The following SNTG1 variants were observed in gnomAD, a reference collection of about 807,000 sequenced individuals.
SNTG1 encodes the protein syntrophin gamma 1.
A neutral mutation model predicts 74.7 loss-of-function variants in SNTG1; 39 were observed. The ratio of observed to expected loss-of-function variants is 0.52; its 90% CI spans 0.40 to 0.68. The LOEUF (loss-of-function observed/expected upper bound fraction) is 0.68. SNTG1 is among the 30% of genes least tolerant of loss of function. The probability of loss-of-function intolerance (pLI) is 0.00; values close to 1 mark genes in which losing one functional copy is unlikely to be tolerated. For synonymous variants in SNTG1, 254 were observed against 217.1 expected (o/e 1.17, Z -1.49); for missense variants, 685 against 609.5 (o/e 1.12, Z -1.30).
chr8:49,916,323 C>T (rs1250231499), intron 1 of SNTG1, among the ~76,000 whole-genome samples: 9 of 152,004 alleles, frequency 5.9e-5, no homozygotes, highest in Admixed American at 5.2e-4. Flanking sequence ...AAATTTTCAC[C>T]GTGAAGTTTC....
intron 2 of SNTG1, among the ~76,000 whole-genome samples, chr8:50,182,831 C>T (rs1253691976): frequency 6.6e-6 from 1 of 152,038 alleles, no homozygotes; most frequent in Admixed American, 6.6e-5. Flanking sequence ...CCTCTTTTTT[C>T]TTCTGCCTGG....
intron 18 of SNTG1, among the ~76,000 whole-genome samples, chr8:50,780,236 T>C (rs2095654777): frequency 6.6e-6 from 1 of 152,180 alleles, no homozygotes; most frequent in South Asian, 2.1e-4. Flanking sequence ...TTAGGGAGGA[T>C]TCCCTCTTTT....
At chr8:50,203,119 G>C (rs372469182) in intron 2 of SNTG1, among the ~76,000 whole-genome samples, 1 of 151,760 alleles carries the variant, frequency 6.6e-6, no homozygotes, top group African/African-American at 2.4e-5. Flanking sequence ...TTTCAGTTGG[G>C]AAGTTCCTGT....
intron 2 of SNTG1, among the ~76,000 whole-genome samples, chr8:50,200,442 C>G (rs531454501): frequency 3.9e-5 from 6 of 152,228 alleles, no homozygotes; most frequent in South Asian, 2.1e-4. Context: ...AGCATTAATA[C>G]TCGAAACTCA....
chr8:49,959,750 G>A (rs1329298570), intron 1 of SNTG1, among the ~76,000 whole-genome samples: 1 of 152,148 alleles, frequency 6.6e-6, no homozygotes, highest in African/African-American at 2.4e-5. Context: ...TAATGCTTTT[G>A]TGAACAGCTG....
intron 2 of SNTG1, among the ~76,000 whole-genome samples, chr8:50,285,558 A>G (rs144759910): frequency 0.069 from 10,446 of 151,988 alleles, 402 homozygotes; most frequent in African/African-American, 0.084. Flanking sequence ...TAAAATTTGA[A>G]AGTAAGCTGC....
chr8:50,353,833 C>T lies in SNTG1; in HGVS notation c.-27-40379C>T, dbSNP rs536518526. On this transcript the variant is annotated intron_variant, in intron 2 of 18. Coordinates refer to ENST00000642720, the MANE Select transcript of SNTG1 (RefSeq NM_018967.5). ...AGAGTGAAGAATTGATCAACGAAGA[C>T]TGCAGGCCATCCAGGAAGGCAAGGG... Among the ~76,000 whole-genome samples, 8 of 152,344 alleles carry T rather than the reference C, an allele frequency of 5.3e-5. No individual in the cohort carries two copies. In the South Asian group the frequency reaches 1.5e-3, roughly 28 times the overall value.
chr8:50,072,619 C>T (rs1272281947), intron 1 of SNTG1, among the ~76,000 whole-genome samples: 2 of 152,090 alleles, frequency 1.3e-5, no homozygotes, highest in African/African-American at 2.4e-5. Flanking sequence ...CAGTGAGAAA[C>T]ATCATACTTT....
intron 2 of SNTG1, among the ~76,000 whole-genome samples, chr8:50,329,374 C>T (rs2090872446): frequency 6.6e-6 from 1 of 152,246 alleles, no homozygotes; most frequent in African/African-American, 2.4e-5. Flanking sequence ...CATGAGGGCT[C>T]CACCCCTGCA....
chr8:49,956,537 C>G (rs1002996453), intron 1 of SNTG1, among the ~76,000 whole-genome samples: 11 of 152,160 alleles, frequency 7.2e-5, no homozygotes, highest in African/African-American at 2.7e-4. Flanking sequence ...TGACCAGACA[C>G]AGGTTTGTCT....
intron 2 of SNTG1, among the ~76,000 whole-genome samples, chr8:50,344,904 G>A (rs2091428131): frequency 6.6e-6 from 1 of 152,150 alleles, no homozygotes; most frequent in Admixed American, 6.5e-5. Flanking sequence ...CTTAAAGTGG[G>A]CCCTAATCCA....
chr8:49,983,388 A>G (rs1033603968), intron 1 of SNTG1, among the ~76,000 whole-genome samples: 1 of 152,248 alleles, frequency 6.6e-6, no homozygotes, highest in Non-Finnish European at 1.5e-5. Context: ...TTATGTGTAT[A>G]TATCATTTAT....
intron 9 of SNTG1, among the ~76,000 whole-genome samples, chr8:50,516,821 G>A (rs2094137519): frequency 6.6e-6 from 1 of 152,170 alleles, no homozygotes; most frequent in South Asian, 2.1e-4. Flanking sequence ...ACATTTGATT[G>A]GTGTGCCTAA....
At chr8:50,397,809 T>A (rs1211592814) in intron 3 of SNTG1, among the ~76,000 whole-genome samples, 2 of 152,184 alleles carry the variant, frequency 1.3e-5, no homozygotes, top group African/African-American at 4.8e-5. Context: ...AGAGCCTAGC[T>A]GCCTGTGTTG....
chr8:50,415,632 AG>A (rs1462916618), intron 4 of SNTG1, among the ~76,000 whole-genome samples: 8 of 152,118 alleles, frequency 5.3e-5, no homozygotes, highest in African/African-American at 1.9e-4. Flanking sequence ...AGCCAGTAAA[AG>A]TTCCTCTTTC....
At chr8:50,059,253 T>A (rs956136719) in intron 1 of SNTG1, among the ~76,000 whole-genome samples, 2 of 152,150 alleles carry the variant, frequency 1.3e-5, no homozygotes, top group Non-Finnish European at 2.9e-5. Flanking sequence ...TTCACTGAGA[T>A]AAATGTTCAT....
At chr8:50,758,912 G>T (rs1396417229) in intron 18 of SNTG1, among the ~76,000 whole-genome samples, 1 of 152,046 alleles carries the variant, frequency 6.6e-6, no homozygotes, top group African/African-American at 2.4e-5. Flanking sequence ...CTTCCAAAAT[G>T]TTTGAACTAA....
rs1029690111 is a variant in SNTG1 at position 50,649,355 on chromosome 8, C to T, written c.850-7554C>T. Among the ~76,000 whole-genome samples the T allele has an allele frequency of 4.5e-4, 69 of 151,988 alleles. 1 individual carries two copies. Among genetic ancestry groups the T allele is most frequent in the African/African-American group, 1.5e-3 (64 of 41,384 alleles). ...TCTACTAAAAATACAAAAAATTAGCCGGACGTTATGGTGCGTGCCTGTAAT... is the reference window on the plus strand; with the variant it reads ...TCTACTAAAAATACAAAAAATTAGCTGGACGTTATGGTGCGTGCCTGTAAT... On this transcript the variant is annotated intron_variant, in intron 13 of 18. Transcript: ENST00000642720.
chr8:49,968,803 G>T (rs117456338), intron 1 of SNTG1, among the ~76,000 whole-genome samples: 4 of 152,128 alleles, frequency 2.6e-5, no homozygotes, highest in Non-Finnish European at 5.9e-5. Flanking sequence ...ATTTACAGGC[G>T]CTGTGTTCCA....
Sources: gnomAD v4.1 joint callset for allele counts (sites outside exome capture counted in the v4.1 genomes callset) on GRCh38, gnomAD v4.1.1 for gene constraint, MANE v1.5 for transcripts, NCBI Gene and HGNC (gene_info 2026-07-23, HGNC 2026-07-21) for gene names.